Variants in DCDC2C observed in about 807,000 individuals in gnomAD.
DCDC2C encodes the protein doublecortin domain containing 2C.
Under a neutral mutation model 45.0 loss-of-function variants are expected in DCDC2C, and 44 were observed. The ratio of observed to expected loss-of-function variants is 0.98; its 90% CI spans 0.77 to 1.26. DCDC2C has a LOEUF of 1.26. Among genes scored for constraint, DCDC2C ranks in the 50% most tolerant of loss-of-function variants. DCDC2C has a pLI of 0.00. For missense variants in DCDC2C, 447 were observed against 468.9 expected (o/e 0.95, Z 0.43); for synonymous variants, 187 against 178.8 (o/e 1.05, Z -0.37).
In DCDC2C at chr2:3,741,945, A is replaced by G. The variant is rs900149818; in HGVS notation, c.442A>G (p.Ile148Val). The change falls in exon 4 of 11, where the codon ATT becomes GTT. Residue 148 changes from isoleucine to valine, a missense_variant. Coordinates refer to ENST00000399143, the MANE Select transcript of DCDC2C (RefSeq NM_001287444.2). Reference protein sequence around the residue: ...INVFTNGRLFIPPAKIIIPKF... With the variant: ...INVFTNGRLFVPPAKIIIPKF... ...TGTTTTTACAAATGGAAGATTATTT[A>G]TTCCACCTGCAAAAATCATTATACC... 1.3e-6 allele frequency: 2 copies of G among 1,548,308 alleles called. No individual in the cohort carries two copies. Among genetic ancestry groups the G allele is most frequent in the African/African-American group, 1.4e-5 (1 of 72,972 alleles).
intron 6 of DCDC2C, among the ~76,000 whole-genome samples, chr2:3,765,984 A>G (rs1335521189): frequency 6.6e-6 from 1 of 152,154 alleles, no homozygotes; most frequent in Non-Finnish European, 1.5e-5. Context: ...TGCTTGGGTA[A>G]GGTATGAGAT....
intron 10 of DCDC2C, among the ~76,000 whole-genome samples, chr2:3,825,824 C>T (rs13389517): frequency 6.6e-6 from 1 of 152,014 alleles, no homozygotes; most frequent in Non-Finnish European, 1.5e-5. Flanking sequence ...GTTAGCCCGG[C>T]TCTCGTGTCT....
intron 8 of DCDC2C, among the ~76,000 whole-genome samples, chr2:3,772,506 T>C (rs1159357572): frequency 1.3e-5 from 2 of 152,132 alleles, no homozygotes; most frequent in Non-Finnish European, 2.9e-5. Flanking sequence ...CTGGAACATC[T>C]CATAGCTGTG....
Position 3,752,886 on chromosome 2 carries a change from C to T in DCDC2C, c.669C>T (p.Pro223=). Residue 223 remains proline (P), a synonymous_variant, in exon 5 of 11, where the codon CCC becomes CCT. Coordinates refer to ENST00000399143, the MANE Select transcript of DCDC2C (RefSeq NM_001287444.2). ...CTTACTGGAAGTCTCCAAGGGTGCC[C>T]AGTGAGGTCCAACAGTGAGCATGCT... The part of the protein sequence containing the change: ...YFPYWKSPRV[P]SEVQQRYANV... 1 of 1,550,464 alleles carries T rather than the reference C, an allele frequency of 6.4e-7. No individual in the cohort carries two copies.
intron 3 of DCDC2C, among the ~76,000 whole-genome samples, chr2:3,732,126 G>A (rs1477081820): frequency 1.3e-5 from 2 of 152,184 alleles, no homozygotes; most frequent in Admixed American, 6.5e-5. Context: ...GGGCCCAGTG[G>A]AAGGCTGGAT....
chr2:3,772,799 C>T (rs1363870719), intron 8 of DCDC2C, among the ~76,000 whole-genome samples: 2 of 152,204 alleles, frequency 1.3e-5, no homozygotes, highest in African/African-American at 2.4e-5. Context: ...TCTCTATCAA[C>T]GGACACAGGG....
chr2:3,757,947 G>A (rs1669766312), intron 6 of DCDC2C, among the ~76,000 whole-genome samples: 1 of 152,212 alleles, frequency 6.6e-6, no homozygotes, highest in Non-Finnish European at 1.5e-5. Flanking sequence ...AAAGCACTGT[G>A]AGAGTGGGCA....
intron 9 of DCDC2C, among the ~76,000 whole-genome samples, chr2:3,779,705 A>G (rs17018004): frequency 0.13 from 19,800 of 152,022 alleles, 1,436 homozygotes; most frequent in East Asian, 0.29. Flanking sequence ...ATTAAGTCTG[A>G]GAGTTGCAGT....
intron 10 of DCDC2C, among the ~76,000 whole-genome samples, chr2:3,817,260 G>C (rs184513199): frequency 6.6e-6 from 1 of 152,312 alleles, no homozygotes; most frequent in East Asian, 1.9e-4. Context: ...TGGAAGTAAA[G>C]CGGCCTTGAG....
At chr2:3,800,089 C>T (rs1338250346) in intron 10 of DCDC2C, among the ~76,000 whole-genome samples, 4 of 152,142 alleles carry the variant, frequency 2.6e-5, no homozygotes, top group African/African-American at 7.2e-5. Context: ...TTTTTAAGCC[C>T]GTTGGAAAAG....
intron 10 of DCDC2C, among the ~76,000 whole-genome samples, chr2:3,826,899 C>T (rs374165721): frequency 6.6e-6 from 1 of 152,076 alleles, no homozygotes; most frequent in African/African-American, 2.4e-5. Flanking sequence ...CCTTCCCTCT[C>T]TCCGTCCCTC....
At chr2:3,767,176 T>C (rs549701448) in intron 6 of DCDC2C, among the ~76,000 whole-genome samples, 1 of 152,380 alleles carries the variant, frequency 6.6e-6, no homozygotes, top group East Asian at 1.9e-4. Context: ...CACGTCCTAA[T>C]TTGAGGAGCA....
intron 10 of DCDC2C, among the ~76,000 whole-genome samples, chr2:3,828,411 G>A (rs1284757917): frequency 6.6e-6 from 1 of 152,210 alleles, no homozygotes; most frequent in Non-Finnish European, 1.5e-5. Context: ...TGTCAGCTCT[G>A]GGCAGCCTGG....
At chr2:3,750,735 AC>A (rs1669520466) in intron 4 of DCDC2C, among the ~76,000 whole-genome samples, 1 of 151,364 alleles carries the variant, frequency 6.6e-6, no homozygotes, top group Non-Finnish European at 1.5e-5. Flanking sequence ...GCATCCATGG[AC>A]TCTTTTACCT....
intron 7 of DCDC2C, 104 bp downstream of exon 7, chr2:3,767,984 T>A: frequency 8.2e-7 from 1 of 1,223,162 alleles, no homozygotes; most frequent in Non-Finnish European, 1.1e-6. Context: ...AGAAATATTG[T>A]TTGACTTGTA....
At chr2:3,762,162 C>CTTTCTTTT (rs1669896510) in intron 6 of DCDC2C, among the ~76,000 whole-genome samples, 1 of 127,644 alleles carries the variant, frequency 7.8e-6, no homozygotes, top group Non-Finnish European at 1.6e-5. Context: ...TTGCTTGAAC[C>CTTTCTTTT]TTTTTTTTTT....
intron 10 of DCDC2C, among the ~76,000 whole-genome samples, chr2:3,807,920 C>T (rs988220543): frequency 2.4e-4 from 37 of 152,112 alleles, no homozygotes; most frequent in African/African-American, 8.0e-4. Flanking sequence ...TAGTAGTGCT[C>T]CATTTTACGG....
chr2:3,779,808 C>T (rs945269825), intron 9 of DCDC2C, among the ~76,000 whole-genome samples: 67 of 152,192 alleles, frequency 4.4e-4, no homozygotes, highest in Non-Finnish European at 1.3e-4. Flanking sequence ...CCTGCAGCTT[C>T]CTGGCTGCCA....
intron 10 of DCDC2C, among the ~76,000 whole-genome samples, chr2:3,791,108 C>CAA (rs11453433): frequency 0.1 from 15,017 of 150,042 alleles, 1,006 homozygotes; most frequent in East Asian, 0.29. Context: ...GACTCTGTCT[C>CAA]AAAAAAAAAG....
Sources: allele counts gnomAD v4.1 joint callset (sites outside exome capture counted in the v4.1 genomes callset), GRCh38; gene constraint gnomAD v4.1.1; transcripts MANE v1.5; gene names NCBI Gene and HGNC (gene_info 2026-07-23, HGNC 2026-07-21).